DGKI: variants seen among roughly 807,000 people sequenced by gnomAD.
The protein encoded by DGKI is diacylglycerol kinase iota, also known as DAG kinase iota.
In DGKI, 55 loss-of-function variants were observed where a neutral mutation model predicts 147.5. That is an observed-to-expected ratio of 0.37 (90% CI 0.30 to 0.47). The LOEUF (loss-of-function observed/expected upper bound fraction) is 0.47. DGKI is among the 20% of genes least tolerant of loss of function. The probability of loss-of-function intolerance (pLI) is 1.00; values close to 1 mark genes in which losing one functional copy is unlikely to be tolerated. For synonymous variants in DGKI, 469 were observed against 477.1 expected (o/e 0.98, Z 0.22); for missense variants, 1,007 against 1,323.8 (o/e 0.76, Z 3.71).
intron 21 of DGKI, among the ~76,000 whole-genome samples, chr7:137,504,856 T>C (rs923819385): frequency 1.3e-5 from 2 of 151,898 alleles, no homozygotes; most frequent in Admixed American, 6.6e-5. Context: ...GCATGATCCA[T>C]GAAAGAAAAA....
At position 137,587,136 on chromosome 7, in the gene DGKI, C is replaced by T. The variant is rs780075125; in HGVS notation, c.1386G>A (p.Gly462=). ...GAGTTCGAGCCAGGTCATTCCCAGT[C>T]CCCAGAGGAAGGACCCCCACAGGAG... The part of the protein sequence containing the change: ...PQPPVGVLPL[G]TGNDLARTLN... Residue 462 remains glycine (G), a synonymous_variant, in exon 13 of 33, where the codon GGG becomes GGA. Coordinates refer to ENST00000614521, the MANE Select transcript of DGKI (RefSeq NM_001321708.2). The T allele has an allele frequency of 8.4e-5, 135 of 1,612,334 alleles. 1 individual carries two copies. The South Asian group carries it at 1.5e-3, about 17-fold the overall frequency.
At chr7:137,579,590 A>G (rs1190659756) in intron 15 of DGKI, among the ~76,000 whole-genome samples, 1 of 152,106 alleles carries the variant, frequency 6.6e-6, no homozygotes, top group Non-Finnish European at 1.5e-5. Flanking sequence ...ATCTGGTTCC[A>G]ATATCTTATA....
At chr7:137,463,691 C>G in intron 26 of DGKI, 80 bp from the exon 27 acceptor site, 2 of 1,544,556 alleles carry the variant, frequency 1.3e-6, no homozygotes, top group South Asian at 2.4e-5. Context: ...GAAGATGAAT[C>G]TTGCCAGTAA....
At chr7:137,650,977 T>A (rs754008372) in intron 5 of DGKI, among the ~76,000 whole-genome samples, 1 of 152,124 alleles carries the variant, frequency 6.6e-6, no homozygotes, top group African/African-American at 2.4e-5. Context: ...ATGTGGGAGC[T>A]GGAGGTGGCT....
chr7:137,573,305 T>G (rs1271309551), intron 17 of DGKI, among the ~76,000 whole-genome samples: 2 of 152,226 alleles, frequency 1.3e-5, no homozygotes, highest in African/African-American at 4.8e-5. Context: ...TTGAGACAAT[T>G]TTTATTTTGC....
intron 3 of DGKI, among the ~76,000 whole-genome samples, chr7:137,660,244 C>T (rs1244330006): frequency 2.0e-5 from 3 of 151,938 alleles, no homozygotes; most frequent in Non-Finnish European, 2.9e-5. Flanking sequence ...GGAACATATC[C>T]GTTTAAACTA....
intron 23 of DGKI, among the ~76,000 whole-genome samples, chr7:137,484,135 C>T (rs557641301): frequency 2.0e-4 from 30 of 152,032 alleles, no homozygotes; most frequent in African/African-American, 6.5e-4. Context: ...GTGTGGGATA[C>T]GTTGTTTGAG....
intron 28 of DGKI, among the ~76,000 whole-genome samples, chr7:137,414,775 T>A (rs1012022976): frequency 1.4e-4 from 22 of 152,316 alleles, no homozygotes; most frequent in African/African-American, 5.3e-4. Flanking sequence ...AGGTTTGTAA[T>A]GTGAACAATG....
At chr7:137,627,389 T>C (rs1444820041) in intron 6 of DGKI, among the ~76,000 whole-genome samples, 5 of 152,250 alleles carry the variant, frequency 3.3e-5, no homozygotes, top group Admixed American at 3.3e-4. Flanking sequence ...CAAACTGGCA[T>C]AGTTCTTTGA....
intron 20 of DGKI, among the ~76,000 whole-genome samples, chr7:137,532,305 G>A (rs764770705): frequency 1.1e-4 from 16 of 151,980 alleles, no homozygotes; most frequent in Non-Finnish European, 1.9e-4. Context: ...TTTTTATAAT[G>A]GAAATAAAAA....
chr7:137,668,351 C>T lies in DGKI; in HGVS notation c.606+10206G>A, dbSNP rs547958968. On this transcript the variant is annotated intron_variant, in intron 3 of 32. Coordinates refer to ENST00000614521, the MANE Select transcript of DGKI (RefSeq NM_001321708.2). ...GCTAAACAGGGCATAAAACCTTACACAAGTCAGCTACCTGCATGTGTTAAA... is the reference window on the plus strand; with the variant it reads ...GCTAAACAGGGCATAAAACCTTACATAAGTCAGCTACCTGCATGTGTTAAA... Among the ~76,000 whole-genome samples, 347 of 152,288 alleles carry T rather than the reference C, an allele frequency of 2.3e-3. 1 individual carries two copies. Among genetic ancestry groups the T allele is most frequent in the Non-Finnish European group, 4.0e-3 (274 of 68,020 alleles).
intron 28 of DGKI, among the ~76,000 whole-genome samples, chr7:137,427,775 C>G (rs1812881843): frequency 6.6e-6 from 1 of 152,216 alleles, no homozygotes; most frequent in African/African-American, 2.4e-5. Context: ...ACAAACACCT[C>G]TACGCAAATC....
intron 6 of DGKI, among the ~76,000 whole-genome samples, chr7:137,640,685 T>C (rs971317137): frequency 2.6e-5 from 4 of 152,186 alleles, no homozygotes; most frequent in Non-Finnish European, 5.9e-5. Context: ...ATTTTTATAC[T>C]CTGTAATCCC....
At chr7:137,807,246 G>C (rs1275540712) in intron 1 of DGKI, among the ~76,000 whole-genome samples, 2 of 152,140 alleles carry the variant, frequency 1.3e-5, no homozygotes, top group Non-Finnish European at 2.9e-5. Flanking sequence ...TTAATATAAG[G>C]CATTTCAAAA....
chr7:137,804,903 T>G (rs1797319510), intron 1 of DGKI, among the ~76,000 whole-genome samples: 1 of 152,222 alleles, frequency 6.6e-6, no homozygotes, highest in Admixed American at 6.5e-5. Flanking sequence ...TTTTTTATGT[T>G]CAACTCAAAT....
chr7:137,481,990 T>C (rs983505912), intron 23 of DGKI, among the ~76,000 whole-genome samples: 4 of 152,048 alleles, frequency 2.6e-5, no homozygotes, highest in Non-Finnish European at 2.9e-5. Context: ...ATGTTTCTTT[T>C]TCACCTATAA....
At position 137,385,120 on chromosome 7, in the gene DGKI, C is replaced by A. The variant is rs931155152; in HGVS notation, c.*6100G>T. ...ATTGGATGGACAGTAAGACAGATTT[C>A]TAATAGAATTTTACTTGACAATGAC... On this transcript the variant is annotated 3_prime_UTR_variant, in exon 33 of 33. Coordinates refer to ENST00000614521, the MANE Select transcript of DGKI (RefSeq NM_001321708.2). The A allele has an allele frequency of 6.6e-6, 1 of 151,958 alleles. No homozygotes were observed. Among genetic ancestry groups the A allele is most frequent in the African/African-American group, 2.4e-5 (1 of 41,382 alleles). 9.4% of individuals were successfully genotyped at this position (151,958 alleles called of 1,614,324 possible).
At chr7:137,422,382 C>A (rs1274264654) in intron 28 of DGKI, among the ~76,000 whole-genome samples, 3 of 152,132 alleles carry the variant, frequency 2.0e-5, no homozygotes, top group Non-Finnish European at 4.4e-5. Flanking sequence ...AAATTAATAT[C>A]ATCACCTTTG....
intron 3 of DGKI, among the ~76,000 whole-genome samples, chr7:137,674,193 G>A (rs567753540): frequency 1.3e-5 from 2 of 152,224 alleles, no homozygotes; most frequent in East Asian, 1.9e-4. Context: ...ATTCCATTAC[G>A]TATCTGCTCA....
Sources: allele counts gnomAD v4.1 joint callset (sites outside exome capture counted in the v4.1 genomes callset), GRCh38; gene constraint gnomAD v4.1.1; transcripts MANE v1.5; gene names NCBI Gene and HGNC (gene_info 2026-07-23, HGNC 2026-07-21).